The following OR10J1 variants were observed in gnomAD, a reference collection of about 807,000 sequenced individuals.
OR10J1 encodes the protein olfactory receptor 10J1.
For missense variants in OR10J1, 474 were observed against 376.6 expected (o/e 1.26, Z -2.14); for synonymous variants, 202 against 143.8 (o/e 1.40, Z -2.89).
chr1:159,401,945 G>T, the OR10J1 span, among the ~76,000 whole-genome samples: 1 of 151,950 alleles, frequency 6.6e-6, no homozygotes, highest in African/African-American at 2.4e-5. Context: ...TTCAACATTT[G>T]CAAATCAATC....
At chr1:159,412,716 C>T in the OR10J1 span, among the ~76,000 whole-genome samples, 1 of 152,006 alleles carries the variant, frequency 6.6e-6, no homozygotes, top group Non-Finnish European at 1.5e-5. Flanking sequence ...AAATGTTAGT[C>T]CTAAAACCAT....
the OR10J1 span, among the ~76,000 whole-genome samples, chr1:159,398,084 G>A: frequency 6.6e-6 from 1 of 152,204 alleles, no homozygotes. Flanking sequence ...GAAAGTAAGG[G>A]AAGAGAATAA....
At chr1:159,433,074 G>T, upstream of OR10J1, 1 of 449,716 alleles carries the variant, frequency 2.2e-6, no homozygotes, top group East Asian at 3.2e-5. Context: ...GTTGTATACA[G>T]CCTGAGGAAC....
At chr1:159,401,401 A>G in the OR10J1 span, among the ~76,000 whole-genome samples, 1 of 152,060 alleles carries the variant, frequency 6.6e-6, no homozygotes, top group Non-Finnish European at 1.5e-5. Context: ...AAATAAAATC[A>G]GAAATGAAGA....
At chr1:159,423,116 AT>A in the OR10J1 span, among the ~76,000 whole-genome samples, 420 of 152,068 alleles carry the variant, frequency 2.8e-3, 3 homozygotes, top group Admixed American at 0.014. Flanking sequence ...CCGAAAATAC[AT>A]TTTTTTTCTT....
the OR10J1 span, among the ~76,000 whole-genome samples, chr1:159,411,405 A>G: frequency 2.8e-4 from 42 of 152,282 alleles, no homozygotes; most frequent in African/African-American, 9.4e-4. Flanking sequence ...ATATATATTT[A>G]GGATAGTTAG....
upstream of OR10J1, among the ~76,000 whole-genome samples, chr1:159,437,006 T>G (rs994014236): frequency 6.6e-6 from 1 of 152,208 alleles, no homozygotes; most frequent in South Asian, 2.1e-4. Context: ...GCCTGACATA[T>G]GCTAAGTGCT....
At chr1:159,407,246 G>A in the OR10J1 span, among the ~76,000 whole-genome samples, 1 of 152,224 alleles carries the variant, frequency 6.6e-6, no homozygotes, top group Non-Finnish European at 1.5e-5. Flanking sequence ...AGAAGAAATA[G>A]AGTGTAATGG....
the OR10J1 span, among the ~76,000 whole-genome samples, chr1:159,415,091 CTGTT>C: frequency 6.6e-6 from 1 of 151,904 alleles, no homozygotes; most frequent in Admixed American, 6.6e-5. Flanking sequence ...TTCAATTTAT[CTGTT>C]TGTTTTTATC....
At chr1:159,413,317 G>C in the OR10J1 span, among the ~76,000 whole-genome samples, 1 of 151,944 alleles carries the variant, frequency 6.6e-6, no homozygotes, top group African/African-American at 2.4e-5. Flanking sequence ...AATACCATTT[G>C]ACCCAGCCAT....
the OR10J1 span, among the ~76,000 whole-genome samples, chr1:159,415,030 C>A: frequency 6.6e-6 from 1 of 151,888 alleles, no homozygotes; most frequent in Admixed American, 6.6e-5. Flanking sequence ...TGTTGTTTCT[C>A]AACTTTTGAT....
At chr1:159,421,874 AG>A in the OR10J1 span, among the ~76,000 whole-genome samples, 1 of 152,122 alleles carries the variant, frequency 6.6e-6, no homozygotes, top group East Asian at 1.9e-4. Context: ...TTGGGGCTCC[AG>A]GTGACTTGCT....
chr1:159,437,490 T>TA (rs1655770100), upstream of OR10J1, among the ~76,000 whole-genome samples: 1 of 151,854 alleles, frequency 6.6e-6, no homozygotes, highest in African/African-American at 2.4e-5. Flanking sequence ...TGTAAAAAAA[T>TA]AAAAAATAAA....
the OR10J1 span, among the ~76,000 whole-genome samples, chr1:159,411,794 C>T: frequency 1.6e-4 from 25 of 152,002 alleles, 1 homozygote; most frequent in East Asian, 5.8e-4. Context: ...TTCCTAGCCT[C>T]GATGGTCTTT....
the OR10J1 span, among the ~76,000 whole-genome samples, chr1:159,408,467 G>T: frequency 2.0e-5 from 3 of 147,578 alleles, no homozygotes; most frequent in African/African-American, 7.6e-5. Flanking sequence ...GACTGTTGGG[G>T]GATGGGGGGA....
chr1:159,433,355 C>A (rs532570075), upstream of OR10J1, among the ~76,000 whole-genome samples: 2 of 152,184 alleles, frequency 1.3e-5, no homozygotes, highest in South Asian at 4.2e-4. Context: ...GTTTACCAAG[C>A]TTGATGAAAA....
chr1:159,399,240 C>T, the OR10J1 span, among the ~76,000 whole-genome samples: 1 of 151,844 alleles, frequency 6.6e-6, no homozygotes, highest in Non-Finnish European at 1.5e-5. Flanking sequence ...TCCAGACAAG[C>T]CAAAGCTGAG....
chr1:159,421,292 A>G, the OR10J1 span, among the ~76,000 whole-genome samples: 1 of 152,066 alleles, frequency 6.6e-6, no homozygotes, highest in African/African-American at 2.4e-5. Flanking sequence ...TAAAATTCAC[A>G]TCCTGATTTT....
At chr1:159,439,210 A>T (rs547832619), upstream of OR10J1, among the ~76,000 whole-genome samples, 1 of 152,334 alleles carries the variant, frequency 6.6e-6, no homozygotes, top group South Asian at 2.1e-4. Context: ...CGCAAGGAGG[A>T]TGATTCATAG....
Sources: allele counts gnomAD v4.1 joint callset (sites outside exome capture counted in the v4.1 genomes callset), GRCh38; gene constraint gnomAD v4.1.1; transcripts MANE v1.5; gene names NCBI Gene and HGNC (gene_info 2026-07-23, HGNC 2026-07-21).